The following ADGRV1 variants were observed in gnomAD, a reference collection of about 807,000 sequenced individuals.
ADGRV1 encodes the protein G-protein coupled receptor 98.
A neutral mutation model predicts 596.2 loss-of-function variants in ADGRV1; 359 were observed. The observed-to-expected ratio is 0.60, with a 90% CI of 0.55 to 0.66. The LOEUF is 0.66. Ranked by LOEUF, ADGRV1 falls within the 30% of genes least tolerant of loss-of-function variation. ADGRV1 has a pLI of 0.00. For missense variants in ADGRV1, 7,274 were observed against 7,575.6 expected, an observed-to-expected ratio of 0.96 and a Z score of 1.48; for synonymous variants, 2,681 against 2,679.2, an observed-to-expected ratio of 1.00 and a Z score of -0.02.
intron 88 of ADGRV1, 38 bp from the exon 89 acceptor site, chr5:91,153,183 A>G: frequency 6.5e-7 from 1 of 1,544,424 alleles, no homozygotes; most frequent in Non-Finnish European, 8.8e-7. Context: ...ATGCATTCAT[A>G]TTATGGTTTC....
chr5:90,595,868 C>T lies in ADGRV1; in HGVS notation c.23-18967C>T, dbSNP rs1490723175. On this transcript the variant is annotated intron_variant, in intron 1 of 89. Transcript: ENST00000405460. ...GCCCCCACCTCCCTCCCGGACGGGG[C>T]GGCTGGCCTGGCGGGGGGCTGACCC... 3.8e-4 allele frequency among the ~76,000 whole-genome samples: 56 copies of T among 148,416 alleles called. 1 individual carries two copies. Among genetic ancestry groups the T allele is most frequent in the Non-Finnish European group, 2.4e-4 (16 of 67,022 alleles).
intron 83 of ADGRV1, among the ~76,000 whole-genome samples, chr5:90,886,339 T>C (rs1172104143): frequency 6.6e-6 from 1 of 152,158 alleles, no homozygotes; most frequent in African/African-American, 2.4e-5. Flanking sequence ...CTGCTAGAGG[T>C]TGTCAGCTCA....
intron 45 of ADGRV1, among the ~76,000 whole-genome samples, chr5:90,721,591 T>TAAAATAAAATAAAATAA (rs1561595562): frequency 1.2e-5 from 1 of 82,576 alleles, no homozygotes; most frequent in Non-Finnish European, 2.7e-5. Context: ...TAAAATAAAA[T>TAAAATAAAATAAAATAA]ATGTATTTAG....
intron 85 of ADGRV1, among the ~76,000 whole-genome samples, chr5:91,057,467 G>A (rs1225152202): frequency 4.6e-5 from 7 of 152,180 alleles, no homozygotes; most frequent in Non-Finnish European, 7.3e-5. Flanking sequence ...TTTAGAAAGT[G>A]CATAAGGAGA....
At chr5:90,785,385 A>C (rs1473977471) in intron 67 of ADGRV1, among the ~76,000 whole-genome samples, 1 of 152,250 alleles carries the variant, frequency 6.6e-6, no homozygotes, top group Non-Finnish European at 1.5e-5. Context: ...CAATGGCAAC[A>C]AAAGCCAAAA....
intron 83 of ADGRV1, among the ~76,000 whole-genome samples, chr5:90,927,536 G>C (rs139678604): frequency 1.3e-5 from 2 of 152,092 alleles, no homozygotes; most frequent in East Asian, 1.9e-4. Context: ...GTCTCTGCAC[G>C]TGAGATGCGT....
At chr5:90,882,626 T>C (rs1393915897) in intron 83 of ADGRV1, among the ~76,000 whole-genome samples, 1 of 152,196 alleles carries the variant, frequency 6.6e-6, no homozygotes, top group Non-Finnish European at 1.5e-5. Context: ...GGCCTTTGGG[T>C]ACACTCACCC....
chr5:91,069,935 A>AG, intron 85 of ADGRV1, among the ~76,000 whole-genome samples: 1 of 152,104 alleles, frequency 6.6e-6, no homozygotes, highest in Non-Finnish European at 1.5e-5. Context: ...CCACAAAAAA[A>AG]AAAAAAAATG....
At chr5:90,920,343 C>T (rs890330798) in intron 83 of ADGRV1, among the ~76,000 whole-genome samples, 27 of 152,162 alleles carry the variant, frequency 1.8e-4, no homozygotes, top group Admixed American at 3.3e-4. Flanking sequence ...CTAATGCCAT[C>T]GCCTTACGGG....
chr5:90,891,461 T>C (rs747770643), intron 83 of ADGRV1, among the ~76,000 whole-genome samples: 1 of 151,630 alleles, frequency 6.6e-6, no homozygotes, highest in Non-Finnish European at 1.5e-5. Context: ...TTACTTACGG[T>C]AAAACTTTAA....
At chr5:90,903,922 C>T (rs912419752) in intron 83 of ADGRV1, among the ~76,000 whole-genome samples, 2 of 151,896 alleles carry the variant, frequency 1.3e-5, no homozygotes, top group African/African-American at 4.8e-5. Flanking sequence ...CCCCAACTAC[C>T]CTTCTCAGCC....
At chr5:90,985,856 G>A (rs1020129108) in intron 85 of ADGRV1, among the ~76,000 whole-genome samples, 4 of 152,022 alleles carry the variant, frequency 2.6e-5, no homozygotes, top group African/African-American at 9.7e-5. Flanking sequence ...AACAGTTGGA[G>A]TGTGGCACAT....
intron 10 of ADGRV1, among the ~76,000 whole-genome samples, chr5:90,637,370 G>T (rs543428742): frequency 9.7e-4 from 147 of 152,098 alleles, no homozygotes; most frequent in African/African-American, 3.3e-3. Flanking sequence ...TATTTTCAGA[G>T]AACCTCTAAT....
At chr5:90,859,582 T>A in intron 82 of ADGRV1, among the ~76,000 whole-genome samples, 1 of 151,960 alleles carries the variant, frequency 6.6e-6, no homozygotes, top group East Asian at 1.9e-4. Flanking sequence ...ACAGGCACCG[T>A]GCCGGGATAA....
At chr5:90,857,640 C>T (rs1767148753) in intron 82 of ADGRV1, among the ~76,000 whole-genome samples, 1 of 152,032 alleles carries the variant, frequency 6.6e-6, no homozygotes, top group Admixed American at 6.6e-5. Flanking sequence ...TCTCTCTGTC[C>T]ATGTCATATT....
At chr5:90,574,263 T>C (rs1323730231) in intron 1 of ADGRV1, among the ~76,000 whole-genome samples, 1 of 152,124 alleles carries the variant, frequency 6.6e-6, no homozygotes, top group Non-Finnish European at 1.5e-5. Context: ...TGGATGTTTT[T>C]ATGATATTGT....
Position 90,745,697 on chromosome 5 carries a change from A to G in ADGRV1, c.10876A>G (p.Lys3626Glu), listed in dbSNP as rs756715274. ...EKEESFKVQL[K>E]NPKGGAEIGI... The stretch of plus-strand genomic sequence containing the variant: ...AGAAGAATCCTTCAAAGTTCAACTT[A>G]AAAATCCCAAAGGAGGAGCAGAGAT... Residue 3626 changes from lysine (K) to glutamate (E), a missense_variant, in exon 52 of 90, where the codon AAA (lysine) becomes GAA (glutamate). Lys to Glu is a moderately conservative substitution (Grantham distance 56). Coordinates refer to ENST00000405460, the MANE Select transcript of ADGRV1 (RefSeq NM_032119.4). 6.2e-7 allele frequency: 1 copy of G among 1,612,160 alleles called. No homozygotes were observed. The highest frequency in any genetic ancestry group is 8.5e-7 in the Non-Finnish European group (1 of 1,178,518).
intron 85 of ADGRV1, among the ~76,000 whole-genome samples, chr5:91,018,966 G>A (rs1307516532): frequency 6.6e-6 from 1 of 151,856 alleles, no homozygotes; most frequent in East Asian, 1.9e-4. Context: ...CCTCCCTCAG[G>A]GTGGCAACAT....
intron 61 of ADGRV1, 146 bp from the exon 62 acceptor site, chr5:90,777,759 G>C (rs1411924413): frequency 5.7e-6 from 4 of 696,268 alleles, no homozygotes; most frequent in Non-Finnish European, 9.2e-6. Context: ...ACTTCCTTTG[G>C]TTTATAGTTT....
Sources: gnomAD v4.1 joint callset for allele counts (sites outside exome capture counted in the v4.1 genomes callset) on GRCh38, gnomAD v4.1.1 for gene constraint, MANE v1.5 for transcripts, NCBI Gene and HGNC (gene_info 2026-07-23, HGNC 2026-07-21) for gene names.